Variants in ASPSCR1 observed in about 807,000 individuals in gnomAD.
The protein encoded by ASPSCR1 is tether containing UBX domain for GLUT4.
A neutral mutation model predicts 68.9 loss-of-function variants in ASPSCR1; 55 were observed. That is an observed-to-expected ratio of 0.80 (90% confidence interval 0.64 to 1.00). The LOEUF is 1.00. ASPSCR1 is among the 50% of genes least tolerant of loss of function. The probability of loss-of-function intolerance (pLI) is 0.00; values close to 1 mark genes in which losing one functional copy is unlikely to be tolerated. For missense variants in ASPSCR1, 765 were observed against 762.2 expected (o/e 1.00, Z -0.04); for synonymous variants, 352 against 332.6 (o/e 1.06, Z -0.63).
Position 81,996,799 on chromosome 17 carries a change from G to GAGCAGGAGCGGGAGCGGGATCCCC in ASPSCR1, c.896_919dup (p.Arg299_Glu306dup), listed in dbSNP as rs746138810. On this transcript the variant is annotated inframe_insertion, in exon 7 of 16. Coordinates refer to ENST00000306739, the MANE Select transcript of ASPSCR1 (RefSeq NM_024083.4). Reference sequence around the variant, plus strand: ...GGGCCAGGATCCCCAGCAGGAGCAGGAGCAGGAGCGGGAGCGGGATCCCCA... The same window carrying GAGCAGGAGCGGGAGCGGGATCCCC: ...GGGCCAGGATCCCCAGCAGGAGCAGGAGCAGGAGCGGGAGCGGGATCCCCAGCAGGAGCGGGAGCGGGATCCCCA... The GAGCAGGAGCGGGAGCGGGATCCCC allele has an allele frequency of 9.3e-6, 15 of 1,609,708 alleles. No homozygotes were observed. The highest frequency in any genetic ancestry group is 3.3e-5 in the South Asian group (3 of 90,928).
chr17:81,994,986 G>T, intron 5 of ASPSCR1, 108 bp downstream of exon 5: 2 of 1,247,534 alleles, frequency 1.6e-6, no homozygotes, highest in Non-Finnish European at 1.1e-6. Flanking sequence ...CGGGAGACTC[G>T]GGCTCTTGAA....
At chr17:82,011,699 C>A in intron 11 of ASPSCR1, 94 bp downstream of exon 11, 1 of 1,402,726 alleles carries the variant, frequency 7.1e-7, no homozygotes, top group Non-Finnish European at 9.8e-7. Flanking sequence ...CTCGTGGCAG[C>A]TTCTCCACAG....
chr17:82,016,255 G>T, intron 12 of ASPSCR1: 1 of 583,408 alleles, frequency 1.7e-6, no homozygotes, highest in Non-Finnish European at 3.1e-6. Flanking sequence ...TTGGGGCTTG[G>T]GGTGGTCCCA....
At position 81,997,984 on chromosome 17, in the gene ASPSCR1, G is replaced by A. The variant is rs372104369; in HGVS notation, c.933+1138G>A. ...TGGGACTACAGGCGTGTGCCACCAC[G>A]CCCAGCTAATTTTTGTATTTTTAGT... On this transcript the variant is annotated intron_variant, in intron 7 of 15. Coordinates refer to ENST00000306739, the MANE Select transcript of ASPSCR1 (RefSeq NM_024083.4). Among the ~76,000 whole-genome samples, 12 of 151,858 alleles carry A rather than the reference G, an allele frequency of 7.9e-5. No individual in the cohort carries two copies. The East Asian group carries it at 9.7e-4, about 12-fold the overall frequency.
At position 81,999,144 on chromosome 17, in the gene ASPSCR1, GGGGACTGTCATGC is replaced by G. The variant is rs2042447576; in HGVS notation, c.933+2301_933+2313del. On this transcript the variant is annotated intron_variant, in intron 7 of 15. Transcript: ENST00000306739. The surrounding 1 kb of genome is among the most constrained non-coding windows in gnomAD (Gnocchi z 4.4). ...GTTTTGTGCCAAAAGAGGCAGACTG[GGGGACTGTCATGC>G]GGCTTTCGGTGACAGGGATGGGAGG... Among the ~76,000 whole-genome samples, 1 of 152,212 alleles carries G rather than the reference GGGGACTGTCATGC, an allele frequency of 6.6e-6. No homozygotes were observed. Among genetic ancestry groups the G allele is most frequent in the Non-Finnish European group, 1.5e-5 (1 of 68,036 alleles).
chr17:81,996,043 AC>A lies in ASPSCR1; in HGVS notation c.486del (p.Gly164AlafsTer9). The A allele has an allele frequency of 6.2e-7, 1 of 1,609,674 alleles. No individual in the cohort carries two copies. The highest frequency in any genetic ancestry group is 8.5e-7 in the Non-Finnish European group (1 of 1,178,938). ...CACGACGCTGCAGTCGCTGGGCCTG[AC>A]CGGGGGCAGCGCCACCATCAGGTAA... is the stretch of plus-strand genomic sequence containing the variant. ...RGTTLQSLGL[T>X]GGSATIRFVM... On this transcript the variant is annotated frameshift_variant, in exon 6 of 16. Transcript: ENST00000306739. LOFTEE classifies it high-confidence loss of function.
Position 82,012,298 on chromosome 17 carries a change from C to G in ASPSCR1, c.1353+15C>G, listed in dbSNP as rs1164577091. The G allele has an allele frequency of 1.9e-6, 3 of 1,612,632 alleles. No individual in the cohort carries two copies. In the South Asian group the frequency reaches 3.3e-5, roughly 18 times the overall value. On this transcript the variant is annotated intron_variant, in intron 12 of 15. Transcript: ENST00000306739. ...CCCTCTTTCAGGTACCTGAGGGCCT[C>G]CCTGGGGTGCTGCGGGGCGGGGCCC... is the stretch of plus-strand genomic sequence containing the variant.
Position 81,999,820 on chromosome 17 carries a change from C to T in ASPSCR1, c.933+2974C>T, listed in dbSNP as rs2042469519. On this transcript the variant is annotated intron_variant, in intron 7 of 15. Transcript: ENST00000306739. This position sits in a 1 kb window ranked among gnomAD's most constrained non-coding sequence, Gnocchi z 4.4. ...CTCCCTCTTGCCTCCCGGCCACACACCTGGGAGGGCAGAGGCCGGGCGTCT... is the reference window on the plus strand; with the variant it reads ...CTCCCTCTTGCCTCCCGGCCACACATCTGGGAGGGCAGAGGCCGGGCGTCT... 6.6e-6 allele frequency among the ~76,000 whole-genome samples: 1 copy of T among 152,166 alleles called. No individual in the cohort carries two copies. The highest frequency in any genetic ancestry group is 1.5e-5 in the Non-Finnish European group (1 of 68,020).
intron 2 of ASPSCR1, 70 bp downstream of exon 2, chr17:81,979,309 C>T (rs868699812): frequency 6.5e-7 from 1 of 1,541,982 alleles, no homozygotes; most frequent in African/African-American, 1.4e-5. Flanking sequence ...CATACTGGCT[C>T]TCACTTGGAA....
intron 9 of ASPSCR1, 131 bp from the exon 10 acceptor site, chr17:82,010,671 T>G: frequency 1.1e-6 from 1 of 912,284 alleles, no homozygotes; most frequent in Non-Finnish European, 1.7e-6. Context: ...CAGGCCCTGA[T>G]TGGGGGTGGC....
rs764101723 is a variant in ASPSCR1, at chr17:81,996,746, G to A, written c.833G>A (p.Gly278Asp). ...KLPKSLSSPG[G>D]PSKPKKSKSG... ...CCGAAGTCCCTCTCCAGCCCTGGAG[G>A]CCCCTCCAAGCCAAAGAAGTCCAAG... Residue 278 changes from glycine to aspartate, a missense_variant, in exon 7 of 16, where the codon GGC becomes GAC. Gly to Asp is a moderately conservative substitution (Grantham distance 94). Coordinates refer to ENST00000306739, the MANE Select transcript of ASPSCR1 (RefSeq NM_024083.4). The A allele has an allele frequency of 1.2e-6, 2 of 1,613,272 alleles. No individual in the cohort carries two copies. The highest frequency in any genetic ancestry group is 1.7e-6 in the Non-Finnish European group (2 of 1,179,950).
At chr17:82,008,063 C>T (rs2042781783) in intron 7 of ASPSCR1, 1 of 152,304 alleles carries the variant, frequency 6.6e-6, no homozygotes, top group Non-Finnish European at 1.5e-5. Context: ...GCTGCAGGGC[C>T]CTGTCGCCCA....
intron 12 of ASPSCR1, chr17:82,015,337 A>G (rs1419910951): frequency 1.3e-6 from 2 of 1,597,900 alleles, no homozygotes; most frequent in African/African-American, 1.3e-5. Flanking sequence ...GCTGGGCACA[A>G]GCACGTGGGG....
Position 81,977,863 on chromosome 17 carries a change from G to C in ASPSCR1, c.102+115G>C. The C allele has an allele frequency of 1.4e-6, 1 of 736,070 alleles. No homozygotes were observed. The highest frequency in any genetic ancestry group is 1.8e-6 in the Non-Finnish European group (1 of 551,102). The allele number at this position is 736,070 out of a possible 1,614,324, so 45.6% of individuals were successfully genotyped here. ...GGGGCGGGGCCTCGGCGGCCAATGAGCGGCCTCCTGAGCGGCGGCCCCGCC... is the reference window on the plus strand; with the variant it reads ...GGGGCGGGGCCTCGGCGGCCAATGACCGGCCTCCTGAGCGGCGGCCCCGCC... On this transcript the variant is annotated intron_variant, in intron 1 of 15. Transcript: ENST00000306739. This position sits in a 1 kb window ranked among gnomAD's most constrained non-coding sequence, Gnocchi z 5.0.
rs1281232368 is a variant in ASPSCR1, at chr17:81,999,472, C to T, written c.933+2626C>T. 6.6e-6 allele frequency among the ~76,000 whole-genome samples: 1 copy of T among 152,038 alleles called. No individual in the cohort carries two copies. Among genetic ancestry groups the T allele is most frequent in the Non-Finnish European group, 1.5e-5 (1 of 68,004 alleles). ...CAAAACCCTGTCTCTACCAAAAATA[C>T]AAAAATTAGCTGGGTGTGGTGGCAG... is the stretch of plus-strand genomic sequence containing the variant. On this transcript the variant is annotated intron_variant, in intron 7 of 15. Coordinates refer to ENST00000306739, the MANE Select transcript of ASPSCR1 (RefSeq NM_024083.4). This position sits in a 1 kb window ranked among gnomAD's most constrained non-coding sequence, Gnocchi z 4.4.
intron 12 of ASPSCR1, chr17:82,015,042 G>T: frequency 1.9e-6 from 3 of 1,571,400 alleles, no homozygotes; most frequent in Non-Finnish European, 2.6e-6. Flanking sequence ...TGCTCTGGCT[G>T]GGGGGACGGT....
chr17:81,993,342 T>C (rs1044055036), intron 4 of ASPSCR1, among the ~76,000 whole-genome samples: 1 of 152,070 alleles, frequency 6.6e-6, no homozygotes, highest in African/African-American at 2.4e-5. Context: ...GCCTCCCGAG[T>C]AGCTGGGACC....
Position 81,977,915 on chromosome 17 carries a change from G to C in ASPSCR1, c.102+167G>C, listed in dbSNP as rs1420269828. 2.3e-6 allele frequency: 1 copy of C among 432,656 alleles called. No individual in the cohort carries two copies. The highest frequency in any genetic ancestry group is 2.1e-5 in the African/African-American group (1 of 47,718). The allele number at this position is 432,656 out of a possible 1,614,324, so 26.8% of individuals were successfully genotyped here. A position where few individuals can be genotyped will look rare whatever the true frequency, so the allele number is the denominator to read the frequency against. ...CCTGCTCGCCGTCACCTGCGCTTCC[G>C]CTGGGGTCCCGGGGGTCCCGGGGGT... On this transcript the variant is annotated intron_variant, in intron 1 of 15. Transcript: ENST00000306739. The surrounding 1 kb of genome is among the most constrained non-coding windows in gnomAD (Gnocchi z 5.0).
intron 9 of ASPSCR1, among the ~76,000 whole-genome samples, chr17:82,010,347 G>A (rs1464975747): frequency 6.6e-6 from 1 of 151,308 alleles, no homozygotes; most frequent in Non-Finnish European, 1.5e-5. Context: ...GGCTGACACG[G>A]TGAAACCCCA....
Sources: gnomAD v4.1 joint callset for allele counts (sites outside exome capture counted in the v4.1 genomes callset) on GRCh38, gnomAD v4.1.1 for gene constraint, Gnocchi (gnomAD v3.1) non-coding constraint, MANE v1.5 for transcripts, NCBI Gene and HGNC (gene_info 2026-07-23, HGNC 2026-07-21) for gene names.